Variants in SPATA17 observed in about 807,000 individuals in gnomAD.
SPATA17 encodes spermatogenesis associated 17, also known as spermatogenesis-associated protein 17.
In SPATA17, 53 loss-of-function variants were observed where a neutral mutation model predicts 62.2. That is an observed-to-expected ratio of 0.85 (90% CI 0.68 to 1.07). The LOEUF (loss-of-function observed/expected upper bound fraction) is 1.07. Ranked by LOEUF, SPATA17 falls within the 50% of genes least tolerant of loss-of-function variation. SPATA17 has a pLI of 0.00. For synonymous variants in SPATA17, 146 were observed against 146.8 expected, an observed-to-expected ratio of 0.99 and a Z score of 0.04; for missense variants, 466 against 425.5, an observed-to-expected ratio of 1.10 and a Z score of -0.84.
At chr1:217,828,907 C>G (rs1258576224) in intron 9 of SPATA17, among the ~76,000 whole-genome samples, 1 of 152,112 alleles carries the variant, frequency 6.6e-6, no homozygotes, top group Non-Finnish European at 1.5e-5. Flanking sequence ...CCTCACATCT[C>G]TAAGGATGGC....
At chr1:217,838,819 G>C (rs1324764273) in intron 9 of SPATA17, among the ~76,000 whole-genome samples, 1 of 151,974 alleles carries the variant, frequency 6.6e-6, no homozygotes, top group Non-Finnish European at 1.5e-5. Context: ...TAGCTTTCTA[G>C]GTTGGTTCAA....
At chr1:217,637,615 G>A (rs2102874822) in intron 1 of SPATA17, among the ~76,000 whole-genome samples, 1 of 152,282 alleles carries the variant, frequency 6.6e-6, no homozygotes, top group Non-Finnish European at 1.5e-5. Context: ...TAAATTGACT[G>A]TAGTTCCTCC....
At chr1:217,855,725 A>C (rs1675766812) in intron 9 of SPATA17, among the ~76,000 whole-genome samples, 2 of 69,898 alleles carry the variant, frequency 2.9e-5, no homozygotes, top group East Asian at 9.0e-4. Flanking sequence ...AGACAGAAGG[A>C]ACTATTTTTT....
At chr1:217,844,419 C>T (rs984132637) in intron 9 of SPATA17, among the ~76,000 whole-genome samples, 1 of 151,930 alleles carries the variant, frequency 6.6e-6, no homozygotes, top group Non-Finnish European at 1.5e-5. Flanking sequence ...GCACATGCAC[C>T]AAGGCTCGTG....
chr1:217,852,996 T>C (rs368853146), intron 9 of SPATA17, among the ~76,000 whole-genome samples: 2 of 152,214 alleles, frequency 1.3e-5, no homozygotes, highest in African/African-American at 4.8e-5. Context: ...ACTGGAGATT[T>C]AAGTTCCATG....
chr1:217,679,641 A>G lies in SPATA17; in HGVS notation c.292-3617A>G, dbSNP rs548608484. 2.0e-5 allele frequency among the ~76,000 whole-genome samples: 3 copies of G among 152,324 alleles called. No individual in the cohort carries two copies. In the South Asian group the frequency reaches 6.2e-4, roughly 32 times the overall value. Reference sequence around the variant, plus strand: ...TTCTTTAATATCCAATTTTGAATAAAAGGAATTATCTTGGAGAGGAATTTT... The same window carrying G: ...TTCTTTAATATCCAATTTTGAATAAGAGGAATTATCTTGGAGAGGAATTTT... On this transcript the variant is annotated intron_variant, in intron 4 of 10. Coordinates refer to ENST00000366933, the MANE Select transcript of SPATA17 (RefSeq NM_138796.4).
intron 10 of SPATA17, among the ~76,000 whole-genome samples, chr1:217,866,075 T>C (rs74866162): frequency 0.039 from 5,941 of 152,298 alleles, 165 homozygotes; most frequent in Non-Finnish European, 0.062. Flanking sequence ...GAATAAGATC[T>C]TAGCAACTGT....
At chr1:217,692,781 G>T in intron 5 of SPATA17, among the ~76,000 whole-genome samples, 1 of 61,502 alleles carries the variant, frequency 1.6e-5, no homozygotes, top group African/African-American at 6.3e-5. Context: ...CTGTTTATAT[G>T]CTGGATTACA....
chr1:217,746,904 A>C (rs2102952100), intron 6 of SPATA17, among the ~76,000 whole-genome samples: 1 of 152,132 alleles, frequency 6.6e-6, no homozygotes, highest in South Asian at 2.1e-4. Context: ...ATGGTACCTT[A>C]TTTGCATAAA....
At chr1:217,749,062 G>A (rs1290803832) in intron 6 of SPATA17, among the ~76,000 whole-genome samples, 2 of 152,080 alleles carry the variant, frequency 1.3e-5, no homozygotes, top group Non-Finnish European at 2.9e-5. Context: ...CATTTGTGTG[G>A]GTATGTGTAT....
chr1:217,734,543 C>T (rs1038950084), intron 5 of SPATA17, among the ~76,000 whole-genome samples: 1 of 152,104 alleles, frequency 6.6e-6, no homozygotes, highest in Non-Finnish European at 1.5e-5. Context: ...GAAGCACACA[C>T]TGACTTTACT....
chr1:217,726,228 C>A (rs7541454), intron 5 of SPATA17, among the ~76,000 whole-genome samples: 9,891 of 152,200 alleles, frequency 0.065, 373 homozygotes, highest in Middle Eastern at 0.14. Context: ...TCCTGTTTGA[C>A]CGCCTGTCAC....
rs1553251071 is a variant in SPATA17 at position 217,770,978 on chromosome 1, A to AATTTTTTTTTTTTTT, written c.520-3356_520-3355insATTTTTTTTTTTTTT. On this transcript the variant is annotated intron_variant, in intron 6 of 10. Transcript: ENST00000366933. The stretch of plus-strand genomic sequence containing the variant: ...ATGTATCTATTATATAACTCATTGC[A>AATTTTTTTTTTTTTT]TTTTTTTTTTTTTTTTTTTTTTTTT... Among the ~76,000 whole-genome samples, 75 of 50,166 alleles carry AATTTTTTTTTTTTTT rather than the reference A, an allele frequency of 1.5e-3. 9 individuals are homozygous for AATTTTTTTTTTTTTT. Among genetic ancestry groups the AATTTTTTTTTTTTTT allele is most frequent in the Non-Finnish European group, 1.8e-3 (56 of 30,434 alleles). The allele number at this position is 50,166 out of a possible 152,430, so 32.9% of individuals were successfully genotyped here. A position where few individuals can be genotyped will look rare whatever the true frequency, so the allele number is the denominator to read the frequency against.
chr1:217,682,961 G>A (rs1180071243), intron 4 of SPATA17, among the ~76,000 whole-genome samples: 1 of 151,802 alleles, frequency 6.6e-6, no homozygotes, highest in Non-Finnish European at 1.5e-5. Flanking sequence ...GGAAATGGTA[G>A]GAATTTGTAA....
intron 9 of SPATA17, among the ~76,000 whole-genome samples, chr1:217,827,963 G>T (rs116804647): frequency 2.1e-4 from 32 of 152,198 alleles, no homozygotes; most frequent in African/African-American, 7.5e-4. Flanking sequence ...GGATTGATAG[G>T]TGCAGCAAAC....
intron 8 of SPATA17, among the ~76,000 whole-genome samples, chr1:217,799,261 C>T (rs184770102): frequency 3.3e-5 from 5 of 152,182 alleles, no homozygotes; most frequent in East Asian, 1.9e-4. Context: ...AGTTAATTCA[C>T]GAGCAGGGAA....
intron 5 of SPATA17, among the ~76,000 whole-genome samples, chr1:217,718,298 G>C (rs181568461): frequency 2.8e-4 from 42 of 152,128 alleles, no homozygotes; most frequent in African/African-American, 9.6e-4. Flanking sequence ...GCTGCATTGC[G>C]GGAGCAGGAG....
chr1:217,632,572 A>C (rs923140647), intron 1 of SPATA17, among the ~76,000 whole-genome samples: 1 of 152,192 alleles, frequency 6.6e-6, no homozygotes, highest in Non-Finnish European at 1.5e-5. Flanking sequence ...TCAATTTTAC[A>C]TTCTTTTATG....
At chr1:217,750,911 G>GGGC (rs1170570001) in intron 6 of SPATA17, among the ~76,000 whole-genome samples, 1 of 152,108 alleles carries the variant, frequency 6.6e-6, no homozygotes, top group Non-Finnish European at 1.5e-5. Flanking sequence ...TGTAAAGCTG[G>GGGC]GGCATCCTCA....
Sources: allele counts gnomAD v4.1 joint callset (sites outside exome capture counted in the v4.1 genomes callset), GRCh38; gene constraint gnomAD v4.1.1; transcripts MANE v1.5; gene names NCBI Gene and HGNC (gene_info 2026-07-23, HGNC 2026-07-21).